CLNK: variants seen among roughly 807,000 people sequenced by gnomAD.
CLNK encodes cytokine-dependent hematopoietic cell linker.
A neutral mutation model predicts 68.6 loss-of-function variants in CLNK; 74 were observed. The observed-to-expected ratio is 1.08, with a 90% CI of 0.89 to 1.31. CLNK has a LOEUF of 1.31. Among genes scored for constraint, CLNK ranks in the 50% most tolerant of loss-of-function variants. The pLI, the probability that CLNK is intolerant of heterozygous loss-of-function variation, is 0.00. For missense variants in CLNK, 553 were observed against 515.3 expected (o/e 1.07, Z -0.71); for synonymous variants, 198 against 172.2 (o/e 1.15, Z -1.17).
intron 3 of CLNK, among the ~76,000 whole-genome samples, chr4:10,596,965 A>T (rs1721410316): frequency 6.6e-6 from 1 of 152,244 alleles, no homozygotes; most frequent in African/African-American, 2.4e-5. Flanking sequence ...AAAATGCATT[A>T]TTCAAATGTA....
intron 1 of CLNK, among the ~76,000 whole-genome samples, chr4:10,668,484 C>A (rs762038823): frequency 6.6e-6 from 1 of 152,142 alleles, no homozygotes; most frequent in Non-Finnish European, 1.5e-5. Context: ...ATAATCTACT[C>A]AAAGGCCCTG....
In CLNK at chr4:10,672,405, G is replaced by A. The variant is rs1431084068; in HGVS notation, c.-42-4494C>T. Among the ~76,000 whole-genome samples, 6 of 152,150 alleles carry A rather than the reference G, an allele frequency of 3.9e-5. 1 individual carries two copies. The highest frequency in any genetic ancestry group is 4.2e-4 in the South Asian group (2 of 4,816). Reference sequence around the variant, plus strand: ...CTCCGTGTGCTTATCTGTAAAATACGGGTAATACAACAGCTACCCTTAGGA... The same window carrying A: ...CTCCGTGTGCTTATCTGTAAAATACAGGTAATACAACAGCTACCCTTAGGA... On this transcript the variant is annotated intron_variant, in intron 1 of 18. Transcript: ENST00000226951.
At chr4:10,630,400 A>C (rs1447591660) in intron 2 of CLNK, among the ~76,000 whole-genome samples, 1 of 152,232 alleles carries the variant, frequency 6.6e-6, no homozygotes, top group Non-Finnish European at 1.5e-5. Context: ...AGGCTCTCAC[A>C]GGCAAAGCTG....
chr4:10,674,046 C>T (rs976265284), intron 1 of CLNK, among the ~76,000 whole-genome samples: 3 of 152,208 alleles, frequency 2.0e-5, no homozygotes, highest in Non-Finnish European at 4.4e-5. Context: ...GAGGTGTCAT[C>T]TGTCAGTTTT....
chr4:10,594,568 C>A (rs567584641), intron 3 of CLNK, among the ~76,000 whole-genome samples: 2 of 152,260 alleles, frequency 1.3e-5, no homozygotes, highest in Non-Finnish European at 2.9e-5. Context: ...GCTGCTGGTC[C>A]CAGGCCCATG....
chr4:10,595,719 C>T (rs1324715382), intron 3 of CLNK, among the ~76,000 whole-genome samples: 1 of 152,092 alleles, frequency 6.6e-6, no homozygotes, highest in Non-Finnish European at 1.5e-5. Context: ...ATTACAGCTG[C>T]CATTTACCAT....
chr4:10,732,432 G>A, the CLNK span, among the ~76,000 whole-genome samples: 1 of 152,312 alleles, frequency 6.6e-6, no homozygotes, highest in South Asian at 2.1e-4. Context: ...AAAGCTACAG[G>A]TTTTTAAGTA....
At chr4:10,632,285 A>G (rs1722921980) in intron 2 of CLNK, among the ~76,000 whole-genome samples, 1 of 151,776 alleles carries the variant, frequency 6.6e-6, no homozygotes, top group African/African-American at 2.4e-5. Flanking sequence ...GAGTCTTTCC[A>G]CCTCTCTCCA....
At position 10,542,003 on chromosome 4, in the gene CLNK, C is replaced by T. The variant is rs1577117732; in HGVS notation, c.491+19G>A. 6 of 1,543,026 alleles carry T rather than the reference C, an allele frequency of 3.9e-6. No homozygotes were observed. Among genetic ancestry groups the T allele is most frequent in the Non-Finnish European group, 4.4e-6 (5 of 1,136,402 alleles). ...TTTCATTGTATAGCGAAAAAAAATG[C>T]TATTTTAAAGTGTTTTACCGAGGAG... On this transcript the variant is annotated intron_variant, in intron 10 of 18. Transcript: ENST00000226951.
chr4:10,654,946 T>C (rs1723905250), intron 2 of CLNK, among the ~76,000 whole-genome samples: 1 of 151,348 alleles, frequency 6.6e-6, no homozygotes, highest in African/African-American at 2.4e-5. Flanking sequence ...ACTAAAAATA[T>C]AAAAAATTAG....
Position 10,574,526 on chromosome 4 carries a change from G to A in CLNK, c.113-2748C>T, listed in dbSNP as rs573879953. 7.2e-5 allele frequency among the ~76,000 whole-genome samples: 11 copies of A among 152,222 alleles called. 1 individual carries two copies. The South Asian group carries it at 2.3e-3, about 32-fold the overall frequency. ...TCTGCCTTCCGCAAGAACATTTCAG[G>A]TCAGTTTAGCCGGAAACCACCTCTG... is the stretch of plus-strand genomic sequence containing the variant. On this transcript the variant is annotated intron_variant, in intron 4 of 18. Coordinates refer to ENST00000226951, the MANE Select transcript of CLNK (RefSeq NM_052964.4).
At chr4:10,502,896 CTG>C (rs1292215451) in intron 17 of CLNK, among the ~76,000 whole-genome samples, 1 of 151,956 alleles carries the variant, frequency 6.6e-6, no homozygotes, top group East Asian at 2.0e-4. Context: ...GAGGTGGAGA[CTG>C]AGGGTTTCCA....
At chr4:10,613,528 C>T (rs1243570436) in intron 2 of CLNK, among the ~76,000 whole-genome samples, 1 of 152,136 alleles carries the variant, frequency 6.6e-6, no homozygotes, top group Non-Finnish European at 1.5e-5. Flanking sequence ...TTGAGAGGCA[C>T]TAGACTTAGG....
intron 3 of CLNK, among the ~76,000 whole-genome samples, chr4:10,586,214 C>A (rs1720959725): frequency 6.6e-6 from 1 of 152,028 alleles, no homozygotes; most frequent in Non-Finnish European, 1.5e-5. Context: ...GTGTTGGGGA[C>A]CCCTGATCTA....
At chr4:10,636,895 G>A (rs1723114242) in intron 2 of CLNK, among the ~76,000 whole-genome samples, 1 of 152,118 alleles carries the variant, frequency 6.6e-6, no homozygotes, top group Non-Finnish European at 1.5e-5. Context: ...CATCTATCAT[G>A]ACAATATATC....
chr4:10,625,040 C>T (rs1722614138), intron 2 of CLNK, among the ~76,000 whole-genome samples: 1 of 152,084 alleles, frequency 6.6e-6, no homozygotes, highest in Non-Finnish European at 1.5e-5. Context: ...GAATAATAAC[C>T]ATCATGGTAT....
At chr4:10,732,944 G>A in the CLNK span, among the ~76,000 whole-genome samples, 55 of 152,256 alleles carry the variant, frequency 3.6e-4, no homozygotes, top group East Asian at 9.7e-3. Flanking sequence ...GGAGTGAATA[G>A]GACAGTAAAG....
At chr4:10,730,468 C>G in the CLNK span, among the ~76,000 whole-genome samples, 1 of 152,152 alleles carries the variant, frequency 6.6e-6, no homozygotes, top group African/African-American at 2.4e-5. Flanking sequence ...ATATAATGAC[C>G]TTGAACTCTA....
upstream of CLNK, among the ~76,000 whole-genome samples, chr4:10,689,287 A>C (rs1725379981): frequency 6.6e-6 from 1 of 151,950 alleles, no homozygotes; most frequent in African/African-American, 2.4e-5. Context: ...GGCACAAGAC[A>C]CTGTACCAGG....
Sources: gnomAD v4.1 joint callset for allele counts (sites outside exome capture counted in the v4.1 genomes callset) on GRCh38, gnomAD v4.1.1 for gene constraint, MANE v1.5 for transcripts, NCBI Gene and HGNC (gene_info 2026-07-23, HGNC 2026-07-21) for gene names.